Variants in MAF observed in about 807,000 individuals in gnomAD.
MAF encodes the protein transcription factor Maf.
MAF carries 10 observed loss-of-function variants against 22.0 expected under a neutral mutation model. The ratio of observed to expected loss-of-function variants is 0.45; its 90% CI spans 0.28 to 0.77. MAF has a LOEUF of 0.77. Ranked by LOEUF, MAF falls within the 30% of genes least tolerant of loss-of-function variation. The pLI, the probability that MAF is intolerant of heterozygous loss-of-function variation, is 0.12. For synonymous variants in MAF, 337 were observed against 255.8 expected, an observed-to-expected ratio of 1.32 and a Z score of -3.03; for missense variants, 544 against 548.4, an observed-to-expected ratio of 0.99 and a Z score of 0.08.
chr16:79,494,614 C>A, the MAF span, among the ~76,000 whole-genome samples: 4 of 152,162 alleles, frequency 2.6e-5, no homozygotes, highest in African/African-American at 9.7e-5. Context: ...GGGAAAAAAA[C>A]CCCACTATTT....
At chr16:79,442,298 G>C in the MAF span, among the ~76,000 whole-genome samples, 1 of 152,174 alleles carries the variant, frequency 6.6e-6, no homozygotes, top group Non-Finnish European at 1.5e-5. Flanking sequence ...GCAACCGAAA[G>C]AACTAAGCAA....
chr16:79,515,745 G>C, the MAF span, among the ~76,000 whole-genome samples: 1 of 152,114 alleles, frequency 6.6e-6, no homozygotes, highest in Non-Finnish European at 1.5e-5. Flanking sequence ...CCTTGACCAG[G>C]AAGAGATGTG....
At chr16:79,427,624 C>A in the MAF span, among the ~76,000 whole-genome samples, 1 of 152,012 alleles carries the variant, frequency 6.6e-6, no homozygotes, top group Admixed American at 6.5e-5. Context: ...CCCCGAAGGC[C>A]CTCTCAAATC....
chr16:79,215,350 G>A, the MAF span, among the ~76,000 whole-genome samples: 1 of 152,190 alleles, frequency 6.6e-6, no homozygotes, highest in Admixed American at 6.5e-5. Context: ...GAACCACTGT[G>A]CCTGGCCATG....
chr16:79,260,869 A>G, the MAF span, among the ~76,000 whole-genome samples: 1 of 152,212 alleles, frequency 6.6e-6, no homozygotes, highest in East Asian at 1.9e-4. Context: ...AAAGAAAACT[A>G]TTTGTATAGC....
At chr16:79,383,648 T>C in the MAF span, among the ~76,000 whole-genome samples, 4 of 152,188 alleles carry the variant, frequency 2.6e-5, no homozygotes, top group Non-Finnish European at 2.9e-5. Context: ...GTTTTGTGAA[T>C]TATTTTTATT....
the MAF span, among the ~76,000 whole-genome samples, chr16:79,391,872 A>AAGGAGGAGGACGAGGAGAAGGAGG: frequency 7.3e-6 from 1 of 136,880 alleles, no homozygotes; most frequent in Non-Finnish European, 1.6e-5. Context: ...GGAGGAGGAG[A>AAGGAGGAGGACGAGGAGAAGGAGG]AGGAGGAGGA....
At chr16:79,532,352 G>C in the MAF span, among the ~76,000 whole-genome samples, 1 of 152,206 alleles carries the variant, frequency 6.6e-6, no homozygotes, top group East Asian at 1.9e-4. Context: ...ATGCAAATAA[G>C]AGAGTTGGTT....
At chr16:79,418,832 G>T in the MAF span, among the ~76,000 whole-genome samples, 4 of 152,112 alleles carry the variant, frequency 2.6e-5, no homozygotes, top group African/African-American at 7.2e-5. Flanking sequence ...GCTCCTCACC[G>T]CATGGTTGGG....
At chr16:79,546,298 A>T in the MAF span, among the ~76,000 whole-genome samples, 3 of 150,724 alleles carry the variant, frequency 2.0e-5, no homozygotes, top group Non-Finnish European at 3.0e-5. Flanking sequence ...CAATAAGAGA[A>T]TTTTTTTTTT....
chr16:79,367,137 G>A, the MAF span, among the ~76,000 whole-genome samples: 1,572 of 152,194 alleles, frequency 0.01, 18 homozygotes, highest in African/African-American at 0.035. Flanking sequence ...ATATACACAC[G>A]GAAATCTTCC....
At chr16:79,541,077 A>G in the MAF span, among the ~76,000 whole-genome samples, 1 of 152,142 alleles carries the variant, frequency 6.6e-6, no homozygotes, top group African/African-American at 2.4e-5. Context: ...GATTACTGCT[A>G]TCACTATTCC....
At chr16:79,402,512 C>T in the MAF span, among the ~76,000 whole-genome samples, 1 of 152,214 alleles carries the variant, frequency 6.6e-6, no homozygotes, top group Non-Finnish European at 1.5e-5. Flanking sequence ...AAACACTGGG[C>T]CAGTGGGTGT....
the MAF span, among the ~76,000 whole-genome samples, chr16:79,435,352 G>T: frequency 2.0e-5 from 3 of 152,124 alleles, no homozygotes; most frequent in Non-Finnish European, 4.4e-5. Context: ...TACAATGAGG[G>T]ATTGAAAGCC....
At chr16:79,212,094 A>T in the MAF span, 1 of 1,536,120 alleles carries the variant, frequency 6.5e-7, no homozygotes, top group Non-Finnish European at 8.7e-7. Context: ...CTGGAGAAGC[A>T]CCAGCAATTC....
the MAF span, among the ~76,000 whole-genome samples, chr16:79,422,009 C>G: frequency 2.0e-5 from 3 of 152,168 alleles, no homozygotes; most frequent in Non-Finnish European, 4.4e-5. Context: ...AACTCCTGAA[C>G]TCAGGTGATC....
chr16:79,355,193 C>A, the MAF span, among the ~76,000 whole-genome samples: 3 of 152,328 alleles, frequency 2.0e-5, no homozygotes, highest in East Asian at 5.8e-4. Flanking sequence ...GTACTTGCAC[C>A]TATCTCCCCA....
chr16:79,312,443 C>T, the MAF span, among the ~76,000 whole-genome samples: 6 of 152,280 alleles, frequency 3.9e-5, no homozygotes, highest in East Asian at 1.9e-4. Context: ...ATGCATTTCA[C>T]GTGGTCTGGC....
chr16:79,536,426 T>G, the MAF span, among the ~76,000 whole-genome samples: 2 of 152,156 alleles, frequency 1.3e-5, no homozygotes, highest in African/African-American at 2.4e-5. Flanking sequence ...GCAGATCACT[T>G]GAGGTCAGGA....
Sources: allele counts gnomAD v4.1 joint callset (sites outside exome capture counted in the v4.1 genomes callset), GRCh38; gene constraint gnomAD v4.1.1; transcripts MANE v1.5; gene names NCBI Gene and HGNC (gene_info 2026-07-23, HGNC 2026-07-21).